Variants in TRPC7 observed in about 807,000 individuals in gnomAD.
TRPC7 encodes short transient receptor potential channel 7.
TRPC7 carries 42 observed loss-of-function variants against 90.1 expected under a neutral mutation model. The observed-to-expected ratio is 0.47, with a 90% CI of 0.36 to 0.60. TRPC7 has a LOEUF of 0.60. Among genes scored for constraint, TRPC7 ranks in the 20% least tolerant of loss-of-function variants. TRPC7 has a pLI of 0.00. For synonymous variants in TRPC7, 451 were observed against 436.3 expected, an observed-to-expected ratio of 1.03 and a Z score of -0.42; for missense variants, 955 against 1,112.3, an observed-to-expected ratio of 0.86 and a Z score of 2.01.
At chr5:136,260,034 T>C (rs1194729861) in intron 5 of TRPC7, among the ~76,000 whole-genome samples, 1 of 152,208 alleles carries the variant, frequency 6.6e-6, no homozygotes, top group Non-Finnish European at 1.5e-5. Flanking sequence ...AGGAAGAAGG[T>C]ATTTCCAGTT....
intron 4 of TRPC7, among the ~76,000 whole-genome samples, chr5:136,269,141 G>T (rs971121265): frequency 2.0e-5 from 3 of 152,186 alleles, no homozygotes; most frequent in Non-Finnish European, 2.9e-5. Context: ...AGCCTGCTGT[G>T]CCTGGAGTGC....
At chr5:136,217,890 G>A (rs1339018692) in intron 10 of TRPC7, among the ~76,000 whole-genome samples, 3 of 151,220 alleles carry the variant, frequency 2.0e-5, no homozygotes, top group African/African-American at 7.3e-5. Flanking sequence ...GGTGGTGTGT[G>A]CCTGTAATCC....
Position 136,213,352 on chromosome 5 carries a change from C to G in TRPC7, c.*83G>C. ...GTGTCCTAGAGGAGTGGGCTGGGGA[C>G]CCCTCCCCACCAAGGATGGGGGCGA... On this transcript the variant is annotated 3_prime_UTR_variant, in exon 12 of 12. Transcript: ENST00000513104. 1 of 1,445,028 alleles carries G rather than the reference C, an allele frequency of 6.9e-7. No individual in the cohort carries two copies. The highest frequency in any genetic ancestry group is 1.4e-5 in the African/African-American group (1 of 71,218). 89.5% of individuals were successfully genotyped at this position (1,445,028 alleles called of 1,614,324 possible).
At chr5:136,227,481 G>A (rs969800638) in intron 8 of TRPC7, among the ~76,000 whole-genome samples, 2 of 152,178 alleles carry the variant, frequency 1.3e-5, no homozygotes, top group Admixed American at 6.5e-5. Flanking sequence ...AAGGGCCCAG[G>A]AGAGGCTGCT....
intron 7 of TRPC7, among the ~76,000 whole-genome samples, chr5:136,242,812 A>G (rs1181185004): frequency 6.6e-6 from 1 of 152,164 alleles, no homozygotes; most frequent in Non-Finnish European, 1.5e-5. Flanking sequence ...TAAGAGGAAG[A>G]GCCTGGGAAG....
At position 136,235,442 on chromosome 5, in the gene TRPC7, A is replaced by G. The variant is rs2194137; in HGVS notation, c.1845-3893T>C. Among the ~76,000 whole-genome samples, 1,456 of 152,304 alleles carry G rather than the reference A, an allele frequency of 9.6e-3. 14 individuals are homozygous for G. Among genetic ancestry groups the G allele is most frequent in the African/African-American group, 0.033 (1,383 of 41,572 alleles). ...TGTGTTGCCTTGACCTTGGGCACCC[A>G]TAGTAATATATTCTCAGAGAGAAGG... On this transcript the variant is annotated intron_variant, in intron 7 of 11. Coordinates refer to ENST00000513104, the MANE Select transcript of TRPC7 (RefSeq NM_020389.3).
At position 136,226,117 on chromosome 5, in the gene TRPC7, T is replaced by C; in HGVS notation, c.2179A>G (p.Met727Val). ...SFYYLIMRIK[M>V]CLIKLCKSKA... is the part of the protein sequence containing the mutation. Reference sequence around the variant, plus strand: ...GATTTGCAGAGTTTTATGAGGCACATCTTGATTCTCATTATGAGATAATAA... The same window carrying C: ...GATTTGCAGAGTTTTATGAGGCACACCTTGATTCTCATTATGAGATAATAA... Residue 727 changes from methionine (M) to valine (V), a missense_variant, in exon 9 of 12, where the codon ATG (methionine) becomes GTG (valine). Met to Val is a conservative substitution (Grantham distance 21). Transcript: ENST00000513104. 6.3e-7 allele frequency: 1 copy of C among 1,598,494 alleles called. No individual in the cohort carries two copies. Among genetic ancestry groups the C allele is most frequent in the Non-Finnish European group, 8.5e-7 (1 of 1,171,478 alleles).
intron 6 of TRPC7, among the ~76,000 whole-genome samples, chr5:136,248,018 T>G (rs1756397994): frequency 6.6e-6 from 1 of 151,690 alleles, no homozygotes; most frequent in Non-Finnish European, 1.5e-5. Flanking sequence ...TGATCCCCCT[T>G]ACCCCCACCA....
At chr5:136,308,068 C>T (rs1434890894) in intron 3 of TRPC7, among the ~76,000 whole-genome samples, 1 of 152,208 alleles carries the variant, frequency 6.6e-6, no homozygotes, top group Non-Finnish European at 1.5e-5. Flanking sequence ...CGACACTATA[C>T]TGCTGCCCCA....
intron 6 of TRPC7, among the ~76,000 whole-genome samples, chr5:136,248,862 T>TC: frequency 6.6e-6 from 1 of 152,358 alleles, no homozygotes; most frequent in East Asian, 1.9e-4. Flanking sequence ...AGCACTTCTC[T>TC]CATGGAGGAT....
intron 2 of TRPC7, among the ~76,000 whole-genome samples, chr5:136,349,256 C>G (rs1376327233): frequency 6.6e-6 from 1 of 152,062 alleles, no homozygotes; most frequent in Non-Finnish European, 1.5e-5. Context: ...GGAAAATATT[C>G]CCTTGGCCTA....
At chr5:136,349,247 G>A (rs1760110184) in intron 2 of TRPC7, among the ~76,000 whole-genome samples, 1 of 152,096 alleles carries the variant, frequency 6.6e-6, no homozygotes, top group Admixed American at 6.5e-5. Context: ...TTTTCAATTG[G>A]AAAATATTCC....
intron 3 of TRPC7, among the ~76,000 whole-genome samples, chr5:136,287,233 C>G (rs1035053214): frequency 5.9e-5 from 9 of 151,998 alleles, no homozygotes; most frequent in African/African-American, 2.2e-4. Flanking sequence ...TAGGAGGTGG[C>G]CAGGAGAGCT....
chr5:136,274,841 TAAAAACAAAACAAAAAC>T lies in TRPC7; in HGVS notation c.964-21_964-5del, dbSNP rs1393888405. The T allele has an allele frequency of 2.6e-6, 4 of 1,555,670 alleles. No homozygotes were observed. In the South Asian group the frequency reaches 4.7e-5, roughly 18 times the overall value. On this transcript the variant is annotated splice_region_variant and splice_polypyrimidine_tract_variant and intron_variant, in intron 3 of 11. Transcript: ENST00000513104. ...GACAGTTAGGATGAGCAACGAACTG[TAAAAACAAAACAAAAAC>T]AAAAACAAAACGCAAACAGGAAAAT...
rs747558680 is a variant in TRPC7 at position 136,251,854 on chromosome 5, G to C, written c.1374C>G (p.Ile458Met). Residue 458 changes from isoleucine to methionine, a missense_variant, in exon 6 of 12, where the codon ATC becomes ATG. By Grantham distance (10) the Ile-to-Met change is conservative. This residue lies in a region of TRPC7 where 484 missense variants were observed against 509.6 expected (regional missense o/e 0.95). Transcript: ENST00000513104. ...LGMIWSECKE[I>M]WEEGPREYVL... The stretch of plus-strand genomic sequence containing the variant: ...CGTACTCCCGTGGCCCCTCCTCCCA[G>C]ATTTCCTTGCATTCGGACCAAATCA... 9.3e-6 allele frequency: 15 copies of C among 1,613,940 alleles called. No individual in the cohort carries two copies. The South Asian group carries it at 1.5e-4, about 17-fold the overall frequency.
chr5:136,293,332 A>T (rs1758031440), intron 3 of TRPC7, among the ~76,000 whole-genome samples: 1 of 152,200 alleles, frequency 6.6e-6, no homozygotes. Flanking sequence ...TTCAATTAGG[A>T]AAAGAGGAAG....
Position 136,266,402 on chromosome 5 carries a change from A to G in TRPC7, c.1163T>C (p.Phe388Ser). The change falls in exon 5 of 12, where the codon TTT becomes TCT. Residue 388 changes from phenylalanine to serine, a missense_variant. Physicochemically the swap from Phe to Ser is radical, Grantham distance 155. Around this residue, in one of 4 missense-constraint regions of TRPC7, gnomAD observed 484 missense variants for 509.6 expected, o/e 0.95. Coordinates refer to ENST00000513104, the MANE Select transcript of TRPC7 (RefSeq NM_020389.3). ...TGTAAAAGAAACTGCATGAGCTACA[A>G]ACTTCATGAAAGGGCTCCTCAGGGT... The part of the protein sequence containing the change: ...GRTLRSPFMK[F>S]VAHAVSFTIF... The G allele has an allele frequency of 1.2e-6, 2 of 1,613,790 alleles. No homozygotes were observed. Among genetic ancestry groups the G allele is most frequent in the Non-Finnish European group, 1.7e-6 (2 of 1,179,774 alleles).
chr5:136,300,758 C>G (rs543966325), intron 3 of TRPC7, among the ~76,000 whole-genome samples: 91 of 152,238 alleles, frequency 6.0e-4, no homozygotes, highest in African/African-American at 2.0e-3. Context: ...GCTTTTAATC[C>G]CAAGGGGCAG....
chr5:136,217,715 T>C (rs1755314982), intron 10 of TRPC7, among the ~76,000 whole-genome samples: 2 of 152,160 alleles, frequency 1.3e-5, no homozygotes, highest in African/African-American at 4.8e-5. Context: ...ATCTAAGTTA[T>C]AAAAAATATA....
Sources: gnomAD v4.1 joint callset for allele counts (sites outside exome capture counted in the v4.1 genomes callset) on GRCh38, gnomAD v4.1.1 for gene constraint, gnomAD v4.1.1 regional missense constraint, MANE v1.5 for transcripts, NCBI Gene and HGNC (gene_info 2026-07-23, HGNC 2026-07-21) for gene names.